NTRK3: variants seen among roughly 807,000 people sequenced by gnomAD.
NTRK3 encodes the protein neurotrophic receptor tyrosine kinase 3.
Under a neutral mutation model 91.7 loss-of-function variants are expected in NTRK3, and 24 were observed. The ratio of observed to expected loss-of-function variants is 0.26; its 90% CI spans 0.19 to 0.37. NTRK3 has a LOEUF of 0.37. Ranked by LOEUF, NTRK3 falls within the 10% of genes least tolerant of loss-of-function variation. The pLI is 1.00. For missense variants in NTRK3, 880 were observed against 1,068.9 expected (o/e 0.82, Z 2.46); for synonymous variants, 483 against 404.0 (o/e 1.20, Z -2.34).
At chr15:88,077,087 C>T (rs1209858682) in intron 13 of NTRK3, among the ~76,000 whole-genome samples, 1 of 152,108 alleles carries the variant, frequency 6.6e-6, no homozygotes, top group African/African-American at 2.4e-5. Flanking sequence ...GAGCTAGACT[C>T]CATCAAATAA....
intron 13 of NTRK3, among the ~76,000 whole-genome samples, chr15:88,074,707 T>C (rs1397234595): frequency 2.0e-5 from 3 of 152,314 alleles, no homozygotes; most frequent in African/African-American, 7.2e-5. Context: ...AAATCTCTCT[T>C]TTCCTGGACC....
intron 13 of NTRK3, 96 bp from the exon 14 acceptor site, chr15:88,033,141 C>T: frequency 9.8e-7 from 1 of 1,024,010 alleles, no homozygotes; most frequent in Non-Finnish European, 1.4e-6. Flanking sequence ...GTTCCCATCA[C>T]AAACATTTTC....
chr15:88,057,116 T>A (rs2045775199), intron 13 of NTRK3, among the ~76,000 whole-genome samples: 1 of 131,972 alleles, frequency 7.6e-6, no homozygotes, highest in African/African-American at 2.9e-5. Flanking sequence ...TTGCAGTGAG[T>A]CGAGATCGCG....
At chr15:87,962,319 A>G (rs2072376578) in intron 14 of NTRK3, among the ~76,000 whole-genome samples, 1 of 152,176 alleles carries the variant, frequency 6.6e-6, no homozygotes, top group South Asian at 2.1e-4. Context: ...TCAGGAACCC[A>G]GAAGAGGAGA....
chr15:87,976,542 C>G, intron 14 of NTRK3, among the ~76,000 whole-genome samples: 1 of 152,208 alleles, frequency 6.6e-6, no homozygotes, highest in East Asian at 1.9e-4. Context: ...TGCTCCATCT[C>G]TCCTGCATAC....
At chr15:87,886,684 A>ATATATATATATG (rs199641611) in intron 17 of NTRK3, among the ~76,000 whole-genome samples, 2,879 of 140,318 alleles carry the variant, frequency 0.021, 63 homozygotes, top group Non-Finnish European at 0.031. Flanking sequence ...TGCTATATAT[A>ATATATATATATG]TATATATATA....
Position 88,241,824 on chromosome 15 carries a change from T to A in NTRK3, c.248+14082A>T, listed in dbSNP as rs1037867124. Among the ~76,000 whole-genome samples the A allele has an allele frequency of 1.3e-5, 2 of 152,146 alleles. No homozygotes were observed. Among genetic ancestry groups the A allele is most frequent in the Non-Finnish European group, 2.9e-5 (2 of 68,020 alleles). On this transcript the variant is annotated intron_variant, in intron 3 of 18. Transcript: ENST00000394480. The surrounding 1 kb of genome is among the most constrained non-coding windows in gnomAD (Gnocchi z 4.3). ...GGAATGGACGGAATCTGCCGTGCAC[T>A]CTCAGCAAAGCTTGGCCCACCTCCC...
intron 6 of NTRK3, among the ~76,000 whole-genome samples, chr15:88,143,192 T>C (rs532057510): frequency 6.6e-6 from 1 of 152,292 alleles, no homozygotes; most frequent in East Asian, 1.9e-4. Context: ...CTCTGCACTC[T>C]AGCCTGGGCT....
At chr15:88,105,349 A>G (rs2050591298) in intron 13 of NTRK3, among the ~76,000 whole-genome samples, 1 of 152,234 alleles carries the variant, frequency 6.6e-6, no homozygotes, top group African/African-American at 2.4e-5. Flanking sequence ...CCAAGGACCT[A>G]GCCACTGCTA....
chr15:88,157,611 G>A (rs566351576), intron 5 of NTRK3, among the ~76,000 whole-genome samples: 7 of 152,182 alleles, frequency 4.6e-5, no homozygotes, highest in Non-Finnish European at 7.4e-5. Context: ...ACGTCTCTGC[G>A]CTGAGGAGCA....
intron 5 of NTRK3, among the ~76,000 whole-genome samples, chr15:88,148,425 C>T (rs886841531): frequency 3.9e-5 from 6 of 152,128 alleles, no homozygotes; most frequent in African/African-American, 1.4e-4. Flanking sequence ...ATGTAAGTAA[C>T]TGATACAGGA....
intron 17 of NTRK3, among the ~76,000 whole-genome samples, chr15:87,925,883 T>G (rs1426285910): frequency 6.6e-6 from 1 of 152,196 alleles, no homozygotes; most frequent in East Asian, 1.9e-4. Flanking sequence ...GAAATAAAAT[T>G]ATCCACAGAG....
chr15:87,911,032 A>G (rs1330057541), intron 17 of NTRK3, among the ~76,000 whole-genome samples: 1 of 152,208 alleles, frequency 6.6e-6, no homozygotes, highest in Non-Finnish European at 1.5e-5. Flanking sequence ...TAGAAAGGTC[A>G]AATGAAGATT....
intron 17 of NTRK3, 46 bp from the exon 18 acceptor site, chr15:87,885,781 G>A (rs1444243628): frequency 2.3e-6 from 2 of 887,120 alleles, no homozygotes; most frequent in East Asian, 3.2e-5. Context: ...AGAAAACTTA[G>A]AAAAGTATTC....
chr15:88,046,550 C>G (rs994899387), intron 13 of NTRK3, among the ~76,000 whole-genome samples: 1 of 152,170 alleles, frequency 6.6e-6, no homozygotes, highest in Admixed American at 6.5e-5. Context: ...AGGAAGGACA[C>G]CTCACCCAGC....
At chr15:88,072,669 T>C (rs557415040) in intron 13 of NTRK3, 138 of 232,784 alleles carry the variant, frequency 5.9e-4, no homozygotes, top group African/African-American at 2.7e-3. Flanking sequence ...ACCCTTGGTT[T>C]GAAGAATTCA....
chr15:88,079,409 G>C (rs1239995182), intron 13 of NTRK3, among the ~76,000 whole-genome samples: 1 of 152,184 alleles, frequency 6.6e-6, no homozygotes, highest in African/African-American at 2.4e-5. Flanking sequence ...CCTGCTTCCA[G>C]AAGTTTAGGA....
intron 14 of NTRK3, among the ~76,000 whole-genome samples, chr15:87,942,227 C>G (rs990329800): frequency 3.9e-5 from 6 of 152,242 alleles, no homozygotes; most frequent in African/African-American, 1.4e-4. Flanking sequence ...TTCTCCTCCC[C>G]CTAGGACAGA....
At chr15:87,969,337 T>C (rs149173948) in intron 14 of NTRK3, among the ~76,000 whole-genome samples, 232 of 152,316 alleles carry the variant, frequency 1.5e-3, no homozygotes, top group African/African-American at 4.9e-3. Flanking sequence ...AGGTAACTCC[T>C]GCTTTGTGCA....
Sources: allele counts gnomAD v4.1 joint callset (sites outside exome capture counted in the v4.1 genomes callset), GRCh38; gene constraint gnomAD v4.1.1; non-coding constraint Gnocchi (gnomAD v3.1); transcripts MANE v1.5; gene names NCBI Gene and HGNC (gene_info 2026-07-23, HGNC 2026-07-21).